Variants in DMD observed in about 807,000 individuals in gnomAD.
DMD encodes dystrophin.
DMD carries 63 observed loss-of-function variants against 330.1 expected under a neutral mutation model. That is an observed-to-expected ratio of 0.19 (90% confidence interval 0.16 to 0.24). The LOEUF is 0.24. Among genes scored for constraint, DMD ranks in the 10% least tolerant of loss-of-function variants. The pLI is 1.00. For missense variants in DMD, 3,344 were observed against 2,684.1 expected (o/e 1.25, Z -5.43); for synonymous variants, 1,223 against 959.8 (o/e 1.27, Z -5.07).
chrX:31,787,515 T>C (rs1477068106), intron 50 of DMD, among the ~76,000 whole-genome samples: 1 of 112,320 alleles, frequency 8.9e-6, no homozygotes, highest in Non-Finnish European at 1.9e-5. Context: ...TTACACTCCT[T>C]GGGTATATTT....
intron 1 of DMD, among the ~76,000 whole-genome samples, chrX:33,055,684 A>G (rs1022664258): frequency 4.5e-5 from 5 of 111,406 alleles, no homozygotes; most frequent in Non-Finnish European, 9.4e-5. Flanking sequence ...TATTACAAAT[A>G]CTCATGGAAA....
chrX:31,996,189 G>T (rs1056254726), intron 44 of DMD, among the ~76,000 whole-genome samples: 4 of 112,053 alleles, frequency 3.6e-5, no homozygotes, highest in Non-Finnish European at 7.5e-5. Flanking sequence ...AATAGTATTA[G>T]TGCTAATGTA....
chrX:32,538,788 G>A (rs983334107), intron 17 of DMD, among the ~76,000 whole-genome samples: 1 of 110,994 alleles, frequency 9.0e-6, no homozygotes, highest in Non-Finnish European at 1.9e-5. Flanking sequence ...TGACTCCGAC[G>A]CATGCTGAAG....
intron 44 of DMD, among the ~76,000 whole-genome samples, chrX:32,066,585 A>G (rs2096261861): frequency 9.0e-6 from 1 of 111,303 alleles, no homozygotes; most frequent in Non-Finnish European, 1.9e-5. Context: ...CCCTACTTTC[A>G]CAGCTGAGAT....
chrX:32,108,888 A>G (rs1276858574), intron 44 of DMD, among the ~76,000 whole-genome samples: 1 of 111,740 alleles, frequency 8.9e-6, no homozygotes, highest in African/African-American at 3.2e-5. Flanking sequence ...ATAAAAGAGC[A>G]GTATCTTATT....
chrX:31,409,215 G>T (rs1040295682), intron 60 of DMD, among the ~76,000 whole-genome samples: 2 of 112,160 alleles, frequency 1.8e-5, no homozygotes, highest in African/African-American at 6.5e-5. Flanking sequence ...CCAAGGAAAG[G>T]TATCTAGCCC....
At chrX:32,613,140 G>C (rs1182498983) in intron 12 of DMD, among the ~76,000 whole-genome samples, 1 of 111,601 alleles carries the variant, frequency 9.0e-6, no homozygotes. Context: ...TCAGCAAAAT[G>C]TGAATTTCAG....
At chrX:33,056,766 C>T (rs766462592) in intron 1 of DMD, among the ~76,000 whole-genome samples, 37 of 111,785 alleles carry the variant, frequency 3.3e-4, no homozygotes, top group Non-Finnish European at 6.2e-4. Context: ...TTGCTTTGAT[C>T]TAGTTAACAC....
chrX:32,682,524 C>A (rs2062506848), intron 9 of DMD, among the ~76,000 whole-genome samples: 1 of 111,029 alleles, frequency 9.0e-6, no homozygotes, highest in South Asian at 3.8e-4. Flanking sequence ...ATATTTGACC[C>A]CATGAATTTT....
At chrX:32,795,000 T>C (rs2076082285) in intron 7 of DMD, among the ~76,000 whole-genome samples, 1 of 111,698 alleles carries the variant, frequency 9.0e-6, no homozygotes, top group African/African-American at 3.3e-5. Context: ...ACAAAACAAA[T>C]TGAAGAGTAC....
intron 2 of DMD, among the ~76,000 whole-genome samples, chrX:32,989,397 CA>C (rs1407180673): frequency 9.0e-6 from 1 of 111,475 alleles, no homozygotes; most frequent in Admixed American, 9.6e-5. Context: ...TGATTAGCAT[CA>C]AAGTAAGTGT....
chrX:32,577,587 A>G (rs1039691628), intron 13 of DMD, among the ~76,000 whole-genome samples: 1 of 112,418 alleles, frequency 8.9e-6, no homozygotes, highest in African/African-American at 3.2e-5. Context: ...CTTACATCAA[A>G]TCTAAGAACT....
At chrX:31,760,043 C>T (rs2089449844) in intron 51 of DMD, among the ~76,000 whole-genome samples, 1 of 111,513 alleles carries the variant, frequency 9.0e-6, no homozygotes, top group African/African-American at 3.3e-5. Flanking sequence ...TACTAACATT[C>T]CTAAAAGACT....
At chrX:33,333,209 T>C (rs1247764858) in intron 1 of DMD, among the ~76,000 whole-genome samples, 2 of 111,639 alleles carry the variant, frequency 1.8e-5, no homozygotes, top group Admixed American at 9.6e-5. Context: ...TAAAAAACAA[T>C]ACTTTCACAG....
In DMD at chrX:31,676,084, G is replaced by A. The variant is rs746181351; in HGVS notation, c.7872+3291C>T. ...TTAGTGTAGTCATCACTGAGGTGCTGCAAAGGAGGCTGGCTGCTGTAATCA... is the reference window on the plus strand; with the variant it reads ...TTAGTGTAGTCATCACTGAGGTGCTACAAAGGAGGCTGGCTGCTGTAATCA... On this transcript the variant is annotated intron_variant, in intron 53 of 78. Transcript: ENST00000357033. Among the ~76,000 whole-genome samples, 4 of 112,160 alleles carry A rather than the reference G, an allele frequency of 3.6e-5. No individual in the cohort carries two copies. In the East Asian group the frequency reaches 1.1e-3, roughly 32 times the overall value.
intron 62 of DMD, among the ~76,000 whole-genome samples, chrX:31,313,539 G>T (rs192933057): frequency 8.9e-6 from 1 of 111,870 alleles, no homozygotes; most frequent in African/African-American, 3.3e-5. Flanking sequence ...ATTTTTATTC[G>T]TATAAATTTC....
At chrX:32,257,204 T>G (rs1313947777) in intron 43 of DMD, among the ~76,000 whole-genome samples, 4 of 112,013 alleles carry the variant, frequency 3.6e-5, no homozygotes, top group Non-Finnish European at 7.5e-5. Flanking sequence ...ATGCTCGTGG[T>G]TAGGAAGAAT....
At chrX:32,399,640 A>G (rs922533630) in intron 30 of DMD, among the ~76,000 whole-genome samples, 45 of 111,420 alleles carry the variant, frequency 4.0e-4, no homozygotes, top group Non-Finnish European at 7.7e-4. Flanking sequence ...TAGGAATGTA[A>G]ACTAGTACAA....
At chrX:31,511,429 C>A (rs769540507) in intron 55 of DMD, among the ~76,000 whole-genome samples, 41 of 101,323 alleles carry the variant, frequency 4.0e-4, no homozygotes, top group African/African-American at 1.3e-3. Flanking sequence ...TGCGCTGCAC[C>A]CACTAACTCA....
Sources: allele counts gnomAD v4.1 joint callset (sites outside exome capture counted in the v4.1 genomes callset), GRCh38; gene constraint gnomAD v4.1.1; transcripts MANE v1.5; gene names NCBI Gene and HGNC (gene_info 2026-07-23, HGNC 2026-07-21).